Variants in SPN observed in about 807,000 individuals in gnomAD.
SPN encodes sialophorin, also known as leukosialin.
SPN carries 6 observed loss-of-function variants against 8.4 expected under a neutral mutation model. That is an observed-to-expected ratio of 0.72 (90% CI 0.39 to 1.42). The LOEUF (loss-of-function observed/expected upper bound fraction) is 1.42, where lower values mean the gene tolerates loss of function less well. SPN is among the 40% of genes most tolerant of loss of function. The pLI is 0.02. For missense variants in SPN, 517 were observed against 530.6 expected (o/e 0.97, Z 0.25); for synonymous variants, 201 against 222.6 (o/e 0.90, Z 0.86).
In SPN at chr16:29,666,841, C is replaced by T; in HGVS notation, c.*1910C>T. 1 of 466,082 alleles carries T rather than the reference C, an allele frequency of 2.1e-6. No homozygotes were observed. Among genetic ancestry groups the T allele is most frequent in the South Asian group, 1.6e-5 (1 of 63,790 alleles). 28.9% of individuals were successfully genotyped at this position (466,082 alleles called of 1,614,324 possible). A position where few individuals can be genotyped will look rare whatever the true frequency, so the allele number is the denominator to read the frequency against. On this transcript the variant is annotated 3_prime_UTR_variant, in exon 2 of 2. Transcript: ENST00000652691. ...ACCAGCCCAGGCTACAGCCCAGGAG[C>T]ACACATGGGCCAGGGCAGTTGGTAT...
Position 29,663,653 on chromosome 16 carries a change from G to T in SPN, c.-34-42G>T. The T allele has an allele frequency of 2.7e-6, 4 of 1,507,330 alleles. No homozygotes were observed. Among genetic ancestry groups the T allele is most frequent in the Non-Finnish European group, 3.5e-6 (4 of 1,133,366 alleles). The allele number at this position is 1,507,330 out of a possible 1,614,324, so 93.4% of individuals were successfully genotyped here. ...AGGGGAGGCCCGGCCAGGTCCTCCG[G>T]CAACTCCCGCGTGTTCTGCTTCTCC... On this transcript the variant is annotated intron_variant, in intron 1 of 1. Coordinates refer to ENST00000652691, the MANE Select transcript of SPN (RefSeq NM_003123.6). The surrounding 1 kb of genome is among the most constrained non-coding windows in gnomAD (Gnocchi z 4.3).
chr16:29,670,127 G>A lies in SPN; in HGVS notation c.*5196G>A, dbSNP rs1459107683. ...CAGGGAAGATTGCTTGAGCCCAGGA[G>A]TTTGAGGCTATAGTGAGCTGTGATC... On this transcript the variant is annotated 3_prime_UTR_variant, in exon 2 of 2. Transcript: ENST00000652691. The A allele has an allele frequency of 6.2e-6, 1 of 160,370 alleles. No individual in the cohort carries two copies. The highest frequency in any genetic ancestry group is 1.9e-4 in the East Asian group (1 of 5,206). The allele number at this position is 160,370 out of a possible 1,614,324, so 9.9% of individuals were successfully genotyped here.
Position 29,663,852 on chromosome 16 carries a change from T to G in SPN, c.124T>G (p.Ser42Ala). 6.2e-7 allele frequency: 1 copy of G among 1,614,030 alleles called. No individual in the cohort carries two copies. Among genetic ancestry groups the G allele is most frequent in the South Asian group, 1.1e-5 (1 of 91,070 alleles). ...GGTCTCTACTAGCGAGCCCCTGAGC[T>G]CAAAGATGTACACCACTTCAATAAC... is the stretch of plus-strand genomic sequence containing the variant. ...PLVSTSEPLS[S>A]KMYTTSITSD... Residue 42 changes from serine (S) to alanine (A), a missense_variant, in exon 2 of 2, where the codon TCA (serine) becomes GCA (alanine). Coordinates refer to ENST00000652691, the MANE Select transcript of SPN (RefSeq NM_003123.6). This position sits in a 1 kb window ranked among gnomAD's most constrained non-coding sequence, Gnocchi z 4.3.
chr16:29,664,343 T>A lies in SPN; in HGVS notation c.615T>A (p.Val205=), dbSNP rs374084937. The stretch of plus-strand genomic sequence containing the variant: ...CCACTGGGACCACTGGACCCCCTGT[T>A]ACCATGACAACTGGCTCTCTGGAGC... ...ETSTGTTGPP[V]TMTTGSLEPS... Residue 205 remains valine, a synonymous_variant, in exon 2 of 2, where the codon GTT becomes GTA. Coordinates refer to ENST00000652691, the MANE Select transcript of SPN (RefSeq NM_003123.6). The surrounding 1 kb of genome is among the most constrained non-coding windows in gnomAD (Gnocchi z 6.4). The A allele has an allele frequency of 1.4e-5, 22 of 1,613,358 alleles. No individual in the cohort carries two copies. Among genetic ancestry groups the A allele is most frequent in the Middle Eastern group, 1.6e-4 (1 of 6,084 alleles).
In SPN at chr16:29,668,246, G is replaced by T; in HGVS notation, c.*3315G>T. On this transcript the variant is annotated 3_prime_UTR_variant, in exon 2 of 2. Coordinates refer to ENST00000652691, the MANE Select transcript of SPN (RefSeq NM_003123.6). ...ATTTTTGTATTTTTTGTAGAGATGG[G>T]GTTTCACCATGTTGTCCCGGCTGGT... 6.2e-6 allele frequency: 1 copy of T among 161,452 alleles called. No homozygotes were observed. The allele number at this position is 161,452 out of a possible 1,614,324, so 10.0% of individuals were successfully genotyped here. A position where few individuals can be genotyped will look rare whatever the true frequency, so the allele number is the denominator to read the frequency against.
At position 29,666,777 on chromosome 16, in the gene SPN, T is replaced by G; in HGVS notation, c.*1846T>G. On this transcript the variant is annotated 3_prime_UTR_variant, in exon 2 of 2. Transcript: ENST00000652691. ...AGCCAGGGACTTCCCCTGTGGGGCC[T>G]GGGTGGAGAGGGGAGAACTCAATGG... The G allele has an allele frequency of 2.4e-6, 1 of 408,826 alleles. No individual in the cohort carries two copies. The highest frequency in any genetic ancestry group is 2.8e-5 in the Admixed American group (1 of 36,044). The allele number at this position is 408,826 out of a possible 1,614,324, so 25.3% of individuals were successfully genotyped here. A position where few individuals can be genotyped will look rare whatever the true frequency, so the allele number is the denominator to read the frequency against.
In SPN at chr16:29,664,008, A is replaced by G; in HGVS notation, c.280A>G (p.Thr94Ala). The G allele has an allele frequency of 6.2e-7, 1 of 1,613,950 alleles. No homozygotes were observed. Among genetic ancestry groups the G allele is most frequent in the Non-Finnish European group, 8.5e-7 (1 of 1,179,992 alleles). The change falls in exon 2 of 2, where the codon ACC becomes GCC. Residue 94 changes from threonine to alanine, a missense_variant. By Grantham distance (58) the Thr-to-Ala change is moderately conservative (BLOSUM62 0). Transcript: ENST00000652691. This position sits in a 1 kb window ranked among gnomAD's most constrained non-coding sequence, Gnocchi z 6.4. ...TGGTTCCCCTTTACCTGAGCCAACAACCTACCAGGAAGTTTCCATCAAGAT... is the reference window on the plus strand; with the variant it reads ...TGGTTCCCCTTTACCTGAGCCAACAGCCTACCAGGAAGTTTCCATCAAGAT... ...STGSPLPEPTTYQEVSIKMSS... is the reference protein window; with the variant it reads ...STGSPLPEPTAYQEVSIKMSS...
rs1966845913 is a variant in SPN, at chr16:29,670,305, A to G, written c.*5374A>G. 6.5e-6 allele frequency: 1 copy of G among 154,210 alleles called. No homozygotes were observed. The highest frequency in any genetic ancestry group is 2.4e-5 in the African/African-American group (1 of 41,254). The allele number at this position is 154,210 out of a possible 1,614,324, so 9.6% of individuals were successfully genotyped here. Reference sequence around the variant, plus strand: ...CCAGTTTGAAACCAGCCTGGCCAACATGGTGAAACCCTGTCTCTACTAAAA... The same window carrying G: ...CCAGTTTGAAACCAGCCTGGCCAACGTGGTGAAACCCTGTCTCTACTAAAA... On this transcript the variant is annotated 3_prime_UTR_variant, in exon 2 of 2. Coordinates refer to ENST00000652691, the MANE Select transcript of SPN (RefSeq NM_003123.6).
chr16:29,667,047 G>A lies in SPN; in HGVS notation c.*2116G>A, dbSNP rs771698730. 9 of 470,558 alleles carry A rather than the reference G, an allele frequency of 1.9e-5. No individual in the cohort carries two copies. Among genetic ancestry groups the A allele is most frequent in the Non-Finnish European group, 3.5e-5 (8 of 226,652 alleles). The allele number at this position is 470,558 out of a possible 1,614,324, so 29.1% of individuals were successfully genotyped here. A position where few individuals can be genotyped will look rare whatever the true frequency, so the allele number is the denominator to read the frequency against. On this transcript the variant is annotated 3_prime_UTR_variant, in exon 2 of 2. Transcript: ENST00000652691. ...GTCAGGTGGGGGATGGGCTCGTGCA[G>A]TGGGAGAGGAGACGGAGGGAGGGAG... is the stretch of plus-strand genomic sequence containing the variant.
Position 29,668,861 on chromosome 16 carries a change from G to C in SPN, c.*3930G>C, listed in dbSNP as rs1437221963. 3 of 166,808 alleles carry C rather than the reference G, an allele frequency of 1.8e-5. No homozygotes were observed. The highest frequency in any genetic ancestry group is 4.4e-5 in the Non-Finnish European group (3 of 68,076). 10.3% of individuals were successfully genotyped at this position (166,808 alleles called of 1,614,324 possible). A position where few individuals can be genotyped will look rare whatever the true frequency, so the allele number is the denominator to read the frequency against. ...TACATAATTAAAAAAAAAAAACGTG[G>C]AGCAGATCCAGCGCAGTGGCTCATG... On this transcript the variant is annotated 3_prime_UTR_variant, in exon 2 of 2. Transcript: ENST00000652691.
At position 29,666,250 on chromosome 16, in the gene SPN, T is replaced by G. The variant is rs1171743339; in HGVS notation, c.*1319T>G. 2 of 165,330 alleles carry G rather than the reference T, an allele frequency of 1.2e-5. No homozygotes were observed. Among genetic ancestry groups the G allele is most frequent in the Non-Finnish European group, 2.9e-5 (2 of 68,474 alleles). 10.2% of individuals were successfully genotyped at this position (165,330 alleles called of 1,614,324 possible). ...GGGTGAGCACAGTGGCTGGTGCCTT[T>G]AATCCCAGCACTTTGGAAAGTTGAG... On this transcript the variant is annotated 3_prime_UTR_variant, in exon 2 of 2. Transcript: ENST00000652691.
At position 29,664,661 on chromosome 16, in the gene SPN, G is replaced by A; in HGVS notation, c.933G>A (p.Glu311=). The A allele has an allele frequency of 1.3e-6, 2 of 1,522,958 alleles. No individual in the cohort carries two copies. Among genetic ancestry groups the A allele is most frequent in the Non-Finnish European group, 1.8e-6 (2 of 1,138,920 alleles). 94.3% of individuals were successfully genotyped at this position (1,522,958 alleles called of 1,614,324 possible). A position where few individuals can be genotyped will look rare whatever the true frequency, so the allele number is the denominator to read the frequency against. Residue 311 remains glutamate, a synonymous_variant, in exon 2 of 2, where the codon GAG becomes GAA. Coordinates refer to ENST00000652691, the MANE Select transcript of SPN (RefSeq NM_003123.6). The surrounding 1 kb of genome is among the most constrained non-coding windows in gnomAD (Gnocchi z 6.4). ...DAWAGPAQVP[E]EGAVTVTVGG... Reference sequence around the variant, plus strand: ...GGGCTGGGCCAGCCCAGGTCCCTGAGGAGGGGGCCGTGACAGTGACCGTGG... The same window carrying A: ...GGGCTGGGCCAGCCCAGGTCCCTGAAGAGGGGGCCGTGACAGTGACCGTGG...
In SPN at chr16:29,668,715, T is replaced by G. The variant is rs202003264; in HGVS notation, c.*3784T>G. ...CTCCCACCTAAGCTTCCCCAAATAC[T>G]GGGATTATAGGTGTGAGCCACTGTG... On this transcript the variant is annotated 3_prime_UTR_variant, in exon 2 of 2. Coordinates refer to ENST00000652691, the MANE Select transcript of SPN (RefSeq NM_003123.6). 1 of 165,756 alleles carries G rather than the reference T, an allele frequency of 6.0e-6. No individual in the cohort carries two copies. The highest frequency in any genetic ancestry group is 1.5e-5 in the Non-Finnish European group (1 of 67,936). 10.3% of individuals were successfully genotyped at this position (165,756 alleles called of 1,614,324 possible). A position where few individuals can be genotyped will look rare whatever the true frequency, so the allele number is the denominator to read the frequency against.
At position 29,664,746 on chromosome 16, in the gene SPN, C is replaced by A; in HGVS notation, c.1018C>A (p.Pro340Thr). 1 of 1,484,956 alleles carries A rather than the reference C, an allele frequency of 6.7e-7. No homozygotes were observed. Among genetic ancestry groups the A allele is most frequent in the East Asian group, 2.4e-5 (1 of 42,276 alleles). 92.0% of individuals were successfully genotyped at this position (1,484,956 alleles called of 1,614,324 possible). The part of the protein sequence containing the change: ...FPDGEGSSRR[P>T]TLTTFFGRRK... ...CGATGGGGAGGGGTCTAGCCGTCGG[C>A]CCACGCTCACCACTTTCTTTGGCAG... The change falls in exon 2 of 2, where the codon CCC becomes ACC. Residue 340 changes from proline (P) to threonine (T), a missense_variant. By Grantham distance (38) the Pro-to-Thr change is conservative. Coordinates refer to ENST00000652691, the MANE Select transcript of SPN (RefSeq NM_003123.6). This position sits in a 1 kb window ranked among gnomAD's most constrained non-coding sequence, Gnocchi z 6.4.
Position 29,664,270 on chromosome 16 carries a change from G to A in SPN, c.542G>A (p.Gly181Asp). The A allele has an allele frequency of 6.2e-7, 1 of 1,613,856 alleles. No individual in the cohort carries two copies. The highest frequency in any genetic ancestry group is 8.5e-7 in the Non-Finnish European group (1 of 1,179,944). Residue 181 changes from glycine (G) to aspartate (D), a missense_variant, in exon 2 of 2, where the codon GGC becomes GAC. Gly to Asp is a moderately conservative substitution (Grantham distance 94). Coordinates refer to ENST00000652691, the MANE Select transcript of SPN (RefSeq NM_003123.6). This position sits in a 1 kb window ranked among gnomAD's most constrained non-coding sequence, Gnocchi z 6.4. ...ACTGTCTCTCTGGAGACTTCCAAAG[G>A]CACCTCTGGACCCCCTGTTACCATG... ...MATVSLETSK[G>D]TSGPPVTMAT...
chr16:29,664,400 T>C lies in SPN; in HGVS notation c.672T>C (p.Ser224=), dbSNP rs1320594586. 1.2e-6 allele frequency: 2 copies of C among 1,614,170 alleles called. No homozygotes were observed. Among genetic ancestry groups the C allele is most frequent in the Admixed American group, 3.3e-5 (2 of 60,014 alleles). The change falls in exon 2 of 2, where the codon TCT becomes TCC. Residue 224 remains serine, a synonymous_variant. Transcript: ENST00000652691. This position sits in a 1 kb window ranked among gnomAD's most constrained non-coding sequence, Gnocchi z 6.4. The part of the protein sequence containing the change: ...PSSGASGPQV[S]SVKLSTMMSP... Reference sequence around the variant, plus strand: ...GCGGGGCCAGTGGACCCCAGGTCTCTAGCGTAAAACTATCTACAATGATGT... The same window carrying C: ...GCGGGGCCAGTGGACCCCAGGTCTCCAGCGTAAAACTATCTACAATGATGT...
chr16:29,664,520 G>T lies in SPN; in HGVS notation c.792G>T (p.Leu264=). ...GMLPVAVLVA[L]LAVIVLVALL... is the part of the protein sequence containing the mutation. ...TGCCAGTGGCTGTGCTTGTGGCCCT[G>T]CTGGCGGTCATAGTCCTCGTGGCTC... Residue 264 remains leucine, a synonymous_variant, in exon 2 of 2, where the codon CTG becomes CTT. Coordinates refer to ENST00000652691, the MANE Select transcript of SPN (RefSeq NM_003123.6). The surrounding 1 kb of genome is among the most constrained non-coding windows in gnomAD (Gnocchi z 6.4). 6.2e-7 allele frequency: 1 copy of T among 1,614,110 alleles called. No homozygotes were observed. The highest frequency in any genetic ancestry group is 8.5e-7 in the Non-Finnish European group (1 of 1,179,998).
rs554649057 is a variant in SPN, at chr16:29,668,123, A to C, written c.*3192A>C. The C allele has an allele frequency of 1.2e-5, 2 of 167,184 alleles. No individual in the cohort carries two copies. The highest frequency in any genetic ancestry group is 3.9e-4 in the East Asian group (2 of 5,174). The allele number at this position is 167,184 out of a possible 1,614,324, so 10.4% of individuals were successfully genotyped here. A position where few individuals can be genotyped will look rare whatever the true frequency, so the allele number is the denominator to read the frequency against. On this transcript the variant is annotated 3_prime_UTR_variant, in exon 2 of 2. Transcript: ENST00000652691. ...GCGAAAGGTTGGAAGGCTTCACCTG[A>C]GAGTGTGTCGTGGCCTTTGTCATAT...
Position 29,664,005 on chromosome 16 carries a change from A to G in SPN, c.277A>G (p.Thr93Ala), listed in dbSNP as rs2229654. ...CACTGGTTCCCCTTTACCTGAGCCA[A>G]CAACCTACCAGGAAGTTTCCATCAA... ...ASTGSPLPEP[T>A]TYQEVSIKMS... Residue 93 changes from threonine to alanine, a missense_variant, in exon 2 of 2, where the codon ACA (threonine) becomes GCA (alanine). By Grantham distance (58) the Thr-to-Ala change is moderately conservative (BLOSUM62 0). Coordinates refer to ENST00000652691, the MANE Select transcript of SPN (RefSeq NM_003123.6). The surrounding 1 kb of genome is among the most constrained non-coding windows in gnomAD (Gnocchi z 6.4). 3.4e-3 allele frequency: 5,549 copies of G among 1,614,010 alleles called. 242 individuals carry two copies. The East Asian group carries it at 0.089, about 26-fold the overall frequency.
Sources: allele counts gnomAD v4.1 joint callset, GRCh38; gene constraint gnomAD v4.1.1; non-coding constraint Gnocchi (gnomAD v3.1); transcripts MANE v1.5; gene names NCBI Gene and HGNC (gene_info 2026-07-23, HGNC 2026-07-21).